Variants in CEP128 observed in about 807,000 individuals in gnomAD.
The protein encoded by CEP128 is centrosomal protein 128.
Under a neutral mutation model 156.7 loss-of-function variants are expected in CEP128, and 132 were observed. That is an observed-to-expected ratio of 0.84 (90% CI 0.73 to 0.97). CEP128 has a LOEUF of 0.97. CEP128 is among the 50% of genes least tolerant of loss of function. The pLI, the probability that CEP128 is intolerant of heterozygous loss-of-function variation, is 0.00. For synonymous variants in CEP128, 469 were observed against 448.9 expected (o/e 1.04, Z -0.57); for missense variants, 1,252 against 1,281.9 (o/e 0.98, Z 0.36).
At chr14:80,733,487 T>G (rs1248828032) in intron 19 of CEP128, among the ~76,000 whole-genome samples, 1 of 152,052 alleles carries the variant, frequency 6.6e-6, no homozygotes, top group African/African-American at 2.4e-5. Flanking sequence ...GGAATGAATA[T>G]ATGACAAACA....
At chr14:80,796,519 C>T (rs754430242) in intron 13 of CEP128, among the ~76,000 whole-genome samples, 2 of 152,006 alleles carry the variant, frequency 1.3e-5, no homozygotes, top group Non-Finnish European at 2.9e-5. Flanking sequence ...GTTAATAACC[C>T]CTTGCTCATT....
At chr14:80,696,043 A>C (rs1595235587) in intron 19 of CEP128, among the ~76,000 whole-genome samples, 1 of 152,148 alleles carries the variant, frequency 6.6e-6, no homozygotes, top group South Asian at 2.1e-4. Context: ...AGAAAGTCTG[A>C]ACCTCCGTCC....
chr14:80,926,612 A>G (rs1416531588), intron 2 of CEP128, among the ~76,000 whole-genome samples: 1 of 152,134 alleles, frequency 6.6e-6, no homozygotes, highest in Non-Finnish European at 1.5e-5. Flanking sequence ...TGCATGCTCC[A>G]TGGCCCCACC....
chr14:80,573,049 A>G (rs1360915470), intron 20 of CEP128, among the ~76,000 whole-genome samples: 5 of 151,712 alleles, frequency 3.3e-5, no homozygotes, highest in African/African-American at 4.8e-5. Flanking sequence ...CAGCCTCCCA[A>G]GTAGCTGGGA....
At chr14:80,856,832 G>GCTATTCT (rs1847444964) in intron 9 of CEP128, among the ~76,000 whole-genome samples, 1 of 136,440 alleles carries the variant, frequency 7.3e-6, no homozygotes, top group African/African-American at 2.8e-5. Context: ...CCGAGTTAAA[G>GCTATTCT]CTATTCTCGT....
chr14:80,503,188 GGT>G (rs1414780570), intron 24 of CEP128, among the ~76,000 whole-genome samples: 3 of 152,024 alleles, frequency 2.0e-5, no homozygotes, highest in Non-Finnish European at 4.4e-5. Context: ...TTACTTTTTA[GGT>G]TAAATTTTTC....
At chr14:80,696,838 G>T (rs1409247244) in intron 19 of CEP128, among the ~76,000 whole-genome samples, 1 of 152,154 alleles carries the variant, frequency 6.6e-6, no homozygotes, top group Admixed American at 6.5e-5. Context: ...AAATAAAGTA[G>T]AACCTAGATG....
chr14:80,525,593 G>C (rs1013516551), intron 23 of CEP128, among the ~76,000 whole-genome samples: 2 of 152,194 alleles, frequency 1.3e-5, no homozygotes, highest in Admixed American at 1.3e-4. Context: ...TGTAGGACTT[G>C]ACTGGGAATG....
chr14:80,514,784 TTGTCGA>T (rs1421468877), intron 23 of CEP128: 2 of 241,482 alleles, frequency 8.3e-6, no homozygotes, highest in Non-Finnish European at 1.8e-5. Flanking sequence ...TGGGGGATAT[TTGTCGA>T]TGTCTGAGCC....
At position 80,607,619 on chromosome 14, in the gene CEP128, G is replaced by T. The variant is rs554218884; in HGVS notation, c.2807-27196C>A. ...AGCATTCTGCAACTTAACAAAGTTG[G>T]GCATAGTTCCAAAAAGCTTTCAGGA... is the stretch of plus-strand genomic sequence containing the variant. On this transcript the variant is annotated intron_variant, in intron 19 of 24. Coordinates refer to ENST00000555265, the MANE Select transcript of CEP128 (RefSeq NM_152446.5). Among the ~76,000 whole-genome samples the T allele has an allele frequency of 1.5e-4, 23 of 152,122 alleles. No homozygotes were observed. In the South Asian group the frequency reaches 4.8e-3, roughly 32 times the overall value.
chr14:80,528,843 C>T (rs535438079), intron 22 of CEP128, among the ~76,000 whole-genome samples: 3 of 152,214 alleles, frequency 2.0e-5, no homozygotes, highest in South Asian at 2.1e-4. Context: ...TTCTTGTTCA[C>T]GCCACACTGA....
chr14:80,749,977 T>C lies in CEP128; in HGVS notation c.2614-6710A>G, dbSNP rs148620211. Among the ~76,000 whole-genome samples the C allele has an allele frequency of 4.6e-3, 697 of 152,122 alleles. 6 individuals are homozygous for C. The highest frequency in any genetic ancestry group is 0.016 in the African/African-American group (654 of 41,502). On this transcript the variant is annotated intron_variant, in intron 18 of 24. Coordinates refer to ENST00000555265, the MANE Select transcript of CEP128 (RefSeq NM_152446.5). ...ATCTGAAGGAATACATTTTAAAAAA[T>C]AGTAAAATGAACATGGACTGATAAA...
chr14:80,673,583 T>C (rs1294714613), intron 19 of CEP128, among the ~76,000 whole-genome samples: 1 of 121,658 alleles, frequency 8.2e-6, no homozygotes, highest in Non-Finnish European at 1.6e-5. Flanking sequence ...GAGGCGGAGC[T>C]TGCAGTGAGC....
intron 8 of CEP128, among the ~76,000 whole-genome samples, chr14:80,882,861 T>G (rs937891960): frequency 2.0e-4 from 31 of 151,926 alleles, no homozygotes; most frequent in Non-Finnish European, 2.1e-4. Flanking sequence ...ACAATTGATC[T>G]CATGGAGATA....
intron 9 of CEP128, among the ~76,000 whole-genome samples, chr14:80,845,760 A>C (rs1886567689): frequency 6.6e-6 from 1 of 152,200 alleles, no homozygotes; most frequent in African/African-American, 2.4e-5. Context: ...CCAATGAATA[A>C]GTCTATCTGT....
chr14:80,593,808 C>G (rs1467649592), intron 19 of CEP128, among the ~76,000 whole-genome samples: 1 of 151,984 alleles, frequency 6.6e-6, no homozygotes, highest in African/African-American at 2.4e-5. Context: ...AACCACTGCT[C>G]AAGGAAATAA....
chr14:80,748,468 T>C (rs1421249926), intron 18 of CEP128, among the ~76,000 whole-genome samples: 1 of 152,212 alleles, frequency 6.6e-6, no homozygotes, highest in South Asian at 2.1e-4. Context: ...CTCTAGAAAG[T>C]GTTTTCTACG....
At chr14:80,613,690 T>G (rs929296345) in intron 19 of CEP128, among the ~76,000 whole-genome samples, 3 of 152,090 alleles carry the variant, frequency 2.0e-5, no homozygotes, top group Non-Finnish European at 4.4e-5. Flanking sequence ...CTTTTCCCCA[T>G]CTCCCTATAT....
At chr14:80,748,005 C>T (rs567996051) in intron 18 of CEP128, among the ~76,000 whole-genome samples, 23 of 152,234 alleles carry the variant, frequency 1.5e-4, no homozygotes, top group African/African-American at 5.3e-4. Context: ...TCTAAATTAA[C>T]GAATTGTATG....
Sources: gnomAD v4.1 joint callset for allele counts (sites outside exome capture counted in the v4.1 genomes callset) on GRCh38, gnomAD v4.1.1 for gene constraint, MANE v1.5 for transcripts, NCBI Gene and HGNC (gene_info 2026-07-23, HGNC 2026-07-21) for gene names.